GOLM1: variants seen among roughly 807,000 people sequenced by gnomAD.
GOLM1 encodes epididymis luminal protein 46.
A neutral mutation model predicts 50.5 loss-of-function variants in GOLM1; 31 were observed. That is an observed-to-expected ratio of 0.61 (90% CI 0.46 to 0.83). GOLM1 has a LOEUF of 0.83. Ranked by LOEUF, GOLM1 falls within the 40% of genes least tolerant of loss-of-function variation. The probability of loss-of-function intolerance (pLI) is 0.00; values close to 1 mark genes in which losing one functional copy is unlikely to be tolerated. For synonymous variants in GOLM1, 178 were observed against 192.8 expected, an observed-to-expected ratio of 0.92 and a Z score of 0.64; for missense variants, 491 against 501.3, an observed-to-expected ratio of 0.98 and a Z score of 0.20.
Position 86,029,527 on chromosome 9 carries a change from T to C in GOLM1, c.1130-1634A>G, listed in dbSNP as rs1000580567. Among the ~76,000 whole-genome samples the C allele has an allele frequency of 3.3e-5, 5 of 152,130 alleles. 1 individual carries two copies. Among genetic ancestry groups the C allele is most frequent in the East Asian group, 1.9e-4 (1 of 5,182 alleles). On this transcript the variant is annotated intron_variant, in intron 9 of 9. Coordinates refer to ENST00000388712, the MANE Select transcript of GOLM1 (RefSeq NM_016548.4). ...AAAACATAAAAAGGCACATCACAAA[T>C]AAAACCTAAAACCACGGTCTTGATT...
upstream of GOLM1, chr9:86,099,605 C>G (rs1354954992): frequency 1.4e-5 from 2 of 148,086 alleles, no homozygotes; most frequent in Admixed American, 6.7e-5. Context: ...GCCGGCGGCG[C>G]GAAGGGAGGA....
At chr9:86,093,375 CAAA>C (rs34420567) in intron 1 of GOLM1, among the ~76,000 whole-genome samples, 2 of 109,330 alleles carry the variant, frequency 1.8e-5, no homozygotes, top group African/African-American at 3.4e-5. Context: ...GATTCTGCCT[CAAA>C]AAAAAAAAAA....
At chr9:86,076,468 A>G (rs939749089) in intron 3 of GOLM1, among the ~76,000 whole-genome samples, 1 of 142,650 alleles carries the variant, frequency 7.0e-6, no homozygotes, top group Non-Finnish European at 1.5e-5. Flanking sequence ...AAATTTTTCT[A>G]GTTAATAATA....
intron 1 of GOLM1, among the ~76,000 whole-genome samples, chr9:86,096,586 C>A (rs774011204): frequency 6.6e-6 from 1 of 152,190 alleles, no homozygotes; most frequent in South Asian, 2.1e-4. Flanking sequence ...AATACCGTGG[C>A]TGGCAAAGCT....
chr9:86,083,009 G>A (rs1246521390), intron 1 of GOLM1, among the ~76,000 whole-genome samples: 1 of 152,084 alleles, frequency 6.6e-6, no homozygotes, highest in Non-Finnish European at 1.5e-5. Flanking sequence ...GGCTGAATAG[G>A]GCACCACTGT....
chr9:86,028,142 C>G (rs1040733277), intron 9 of GOLM1, among the ~76,000 whole-genome samples: 30 of 152,056 alleles, frequency 2.0e-4, no homozygotes, highest in African/African-American at 7.0e-4. Flanking sequence ...CAGGCTTGTG[C>G]CCATGGACCT....
chr9:86,031,097 C>T (rs1469117828), intron 9 of GOLM1, among the ~76,000 whole-genome samples: 1 of 152,072 alleles, frequency 6.6e-6, no homozygotes, highest in African/African-American at 2.4e-5. Flanking sequence ...CTAATCTCAG[C>T]TGCTCGGGAG....
At chr9:86,063,517 G>A (rs893238804) in intron 3 of GOLM1, among the ~76,000 whole-genome samples, 3 of 152,228 alleles carry the variant, frequency 2.0e-5, no homozygotes, top group African/African-American at 7.2e-5. Flanking sequence ...CAGCGTCACA[G>A]TCAAGGCACC....
intron 5 of GOLM1, among the ~76,000 whole-genome samples, chr9:86,043,840 C>G (rs1470677358): frequency 6.6e-6 from 1 of 152,206 alleles, no homozygotes; most frequent in Non-Finnish European, 1.5e-5. Flanking sequence ...TCACTGGATC[C>G]TGACTGATTG....
rs1564340981 is a variant in GOLM1, at chr9:86,035,889, A to AAAAAAAAAAAAAAAAC, written c.758-265_758-264insGTTTTTTTTTTTTTTT. Among the ~76,000 whole-genome samples the AAAAAAAAAAAAAAAAC allele has an allele frequency of 4.7e-5, 7 of 150,384 alleles. 1 individual carries two copies. In the South Asian group the frequency reaches 8.4e-4, roughly 18 times the overall value. On this transcript the variant is annotated intron_variant, in intron 7 of 9. Coordinates refer to ENST00000388712, the MANE Select transcript of GOLM1 (RefSeq NM_016548.4). ...ACCAAAAAAAAAAACAAAACAAAAA[A>AAAAAAAAAAAAAAAAC]AAAAAAACACCTGGACTAAATTACC...
intron 3 of GOLM1, among the ~76,000 whole-genome samples, chr9:86,059,190 T>C (rs1235461105): frequency 6.6e-6 from 1 of 152,066 alleles, no homozygotes; most frequent in Non-Finnish European, 1.5e-5. Flanking sequence ...ATCCCACTTG[T>C]AGGTGTACAC....
At position 86,040,805 on chromosome 9, in the gene GOLM1, G is replaced by A. The variant is rs774583847; in HGVS notation, c.531C>T (p.Val177=). ...CTACAGCTTCATTCCCCTTTTTGGTGACCTCTTCTATTCGCTCCTCACACT... is the reference window on the plus strand; with the variant it reads ...CTACAGCTTCATTCCCCTTTTTGGTAACCTCTTCTATTCGCTCCTCACACT... ...KEQCEERIEE[V]TKKGNEAVAS... The change falls in exon 6 of 10, where the codon GTC becomes GTT. Residue 177 remains valine, a synonymous_variant. Coordinates refer to ENST00000388712, the MANE Select transcript of GOLM1 (RefSeq NM_016548.4). 9.9e-6 allele frequency: 16 copies of A among 1,613,204 alleles called. No individual in the cohort carries two copies. The highest frequency in any genetic ancestry group is 1.4e-5 in the Non-Finnish European group (16 of 1,179,378).
intron 3 of GOLM1, among the ~76,000 whole-genome samples, chr9:86,054,695 A>G (rs1833935225): frequency 6.6e-6 from 1 of 152,318 alleles, no homozygotes; most frequent in Non-Finnish European, 1.5e-5. Flanking sequence ...CTTCAAAGCT[A>G]CTTGCCAAAT....
Position 86,040,884 on chromosome 9 carries a change from G to T in GOLM1, c.468-16C>A. The T allele has an allele frequency of 6.2e-7, 1 of 1,612,476 alleles. No homozygotes were observed. Among genetic ancestry groups the T allele is most frequent in the Non-Finnish European group, 8.5e-7 (1 of 1,179,140 alleles). On this transcript the variant is annotated splice_polypyrimidine_tract_variant and intron_variant, in intron 5 of 9. Coordinates refer to ENST00000388712, the MANE Select transcript of GOLM1 (RefSeq NM_016548.4). The stretch of plus-strand genomic sequence containing the variant: ...GCACTGGCTCCTTTGGTGAAAGAAA[G>T]CAAAGGAAGGGCCTGACGTCTATGA...
chr9:86,068,929 G>GTT (rs1055810221), intron 3 of GOLM1, among the ~76,000 whole-genome samples: 1 of 151,900 alleles, frequency 6.6e-6, no homozygotes, highest in African/African-American at 2.4e-5. Context: ...TTACAAAGTG[G>GTT]TTGCCTCAAC....
At chr9:86,084,129 T>C (rs1201661221) in intron 1 of GOLM1, among the ~76,000 whole-genome samples, 3 of 152,222 alleles carry the variant, frequency 2.0e-5, no homozygotes, top group African/African-American at 7.2e-5. Context: ...TGTGAGGCAC[T>C]GCTCAATACA....
chr9:86,051,185 T>C (rs1291062134), intron 4 of GOLM1, among the ~76,000 whole-genome samples: 1 of 152,212 alleles, frequency 6.6e-6, no homozygotes, highest in East Asian at 1.9e-4. Flanking sequence ...TGAGTGAGTT[T>C]CTTAATCCTG....
intron 3 of GOLM1, among the ~76,000 whole-genome samples, chr9:86,058,591 G>A (rs1026036826): frequency 6.6e-6 from 1 of 151,834 alleles, no homozygotes. Flanking sequence ...AGCTACTTGG[G>A]AGGGTGAGGC....
intron 6 of GOLM1, among the ~76,000 whole-genome samples, chr9:86,039,251 G>A (rs916434629): frequency 7.2e-5 from 11 of 152,096 alleles, no homozygotes; most frequent in African/African-American, 7.2e-5. Flanking sequence ...CCCAAACAAC[G>A]AGCTGCCACT....
Sources: gnomAD v4.1 joint callset for allele counts (sites outside exome capture counted in the v4.1 genomes callset) on GRCh38, gnomAD v4.1.1 for gene constraint, MANE v1.5 for transcripts, NCBI Gene and HGNC (gene_info 2026-07-23, HGNC 2026-07-21) for gene names.